Variants in XPNPEP2 observed in about 807,000 individuals in gnomAD.
XPNPEP2 encodes X-prolyl aminopeptidase 2, also known as xaa-Pro aminopeptidase 2.
Under a neutral mutation model 59.8 loss-of-function variants are expected in XPNPEP2, and 64 were observed. The ratio of observed to expected loss-of-function variants is 1.07; its 90% CI spans 0.87 to 1.32. The LOEUF (loss-of-function observed/expected upper bound fraction) is 1.32, where lower values mean the gene tolerates loss of function less well. Ranked by LOEUF, XPNPEP2 falls within the 40% of genes most tolerant of loss-of-function variation. The probability of loss-of-function intolerance (pLI) is 0.00; values close to 1 mark genes in which losing one functional copy is unlikely to be tolerated. For synonymous variants in XPNPEP2, 235 were observed against 210.0 expected (o/e 1.12, Z -1.03); for missense variants, 575 against 546.8 (o/e 1.05, Z -0.51).
rs1372639664 is a variant in XPNPEP2 at position 129,769,343 on chromosome X, A to G, written c.*858A>G. The G allele has an allele frequency of 9.0e-6, 1 of 111,650 alleles. No homozygotes were observed. Among genetic ancestry groups the G allele is most frequent in the Non-Finnish European group, 1.9e-5 (1 of 53,058 alleles). 9.2% of individuals were successfully genotyped at this position (111,650 alleles called of 1,213,427 possible). ...CTAAGGACACACAAATTTGGTTGGG[A>G]GTTGATGGGGCCAGATGAGCCAGCA... is the stretch of plus-strand genomic sequence containing the variant. On this transcript the variant is annotated 3_prime_UTR_variant, in exon 21 of 21. Transcript: ENST00000371106.
chrX:129,752,212 C>G lies in XPNPEP2; in HGVS notation c.884C>G (p.Thr295Arg), dbSNP rs775492531. 1.7e-6 allele frequency: 2 copies of G among 1,210,287 alleles called. No homozygotes were observed. Among genetic ancestry groups the G allele is most frequent in the Non-Finnish European group, 1.1e-6 (1 of 895,296 alleles). Residue 295 changes from threonine (T) to arginine (R), a missense_variant, in exon 10 of 21, where the codon ACA (threonine) becomes AGA (arginine). By Grantham distance (71) the Thr-to-Arg change is moderately conservative. Coordinates refer to ENST00000371106, the MANE Select transcript of XPNPEP2 (RefSeq NM_003399.6). ...ETLSYLNSSC[T>R]GPMCVQIEDY... ...TTGAGCTATCTGAACTCCAGTTGCACAGGCCCCATGTGTGTGCAAATCGAG... is the reference window on the plus strand; with the variant it reads ...TTGAGCTATCTGAACTCCAGTTGCAGAGGCCCCATGTGTGTGCAAATCGAG...
chrX:129,766,175 A>G (rs1455008222), intron 19 of XPNPEP2, among the ~76,000 whole-genome samples: 4 of 112,184 alleles, frequency 3.6e-5, no homozygotes, highest in Non-Finnish European at 5.6e-5. Flanking sequence ...TTCCATAAAC[A>G]TTGTTTCCAT....
rs904248208 is a variant in XPNPEP2, at chrX:129,745,382, A to G, written c.298+116A>G. ...GACCCCAGAACCTACTGTAGAGAAA[A>G]CCCTTCTACTCTCTCTGTCTCCCTC... On this transcript the variant is annotated intron_variant, in intron 4 of 20. Transcript: ENST00000371106. 15 of 823,738 alleles carry G rather than the reference A, an allele frequency of 1.8e-5. No individual in the cohort carries two copies. In the East Asian group the frequency reaches 5.1e-4, roughly 28 times the overall value. The allele number at this position is 823,738 out of a possible 1,213,427, so 67.9% of individuals were successfully genotyped here.
chrX:129,752,559 G>A (rs933344901), intron 10 of XPNPEP2, among the ~76,000 whole-genome samples: 10 of 112,171 alleles, frequency 8.9e-5, no homozygotes, highest in African/African-American at 2.9e-4. Context: ...CAGGAGGCTG[G>A]AGAGTATACG....
chrX:129,761,095 T>C (rs1361881725), intron 16 of XPNPEP2, 77 bp from the exon 17 acceptor site: 1 of 1,004,049 alleles, frequency 1.0e-6, no homozygotes, highest in African/African-American at 1.9e-5. Context: ...ACCACTCTGA[T>C]AGTGAAGCAA....
intron 17 of XPNPEP2, among the ~76,000 whole-genome samples, chrX:129,761,576 C>T (rs1250314905): frequency 8.9e-6 from 1 of 112,131 alleles, no homozygotes; most frequent in African/African-American, 3.2e-5. Context: ...AGTCCCACTG[C>T]TTTGGGAGGC....
At chrX:129,756,338 C>T in intron 13 of XPNPEP2, 146 bp from the exon 14 acceptor site, 1 of 535,526 alleles carries the variant, frequency 1.9e-6, no homozygotes, top group Admixed American at 2.9e-5. Flanking sequence ...AAGCTGAGTT[C>T]TCTTCCAGGG....
In XPNPEP2 at chrX:129,742,189, C is replaced by T. The variant is rs1926200322; in HGVS notation, c.123+8C>T. ...TGTTCCACCAACCCCCCTGTGAGTG[C>T]CCCCTGCCCCCCGCGCACGGCCCCC... On this transcript the variant is annotated splice_region_variant and intron_variant, in intron 2 of 20. Coordinates refer to ENST00000371106, the MANE Select transcript of XPNPEP2 (RefSeq NM_003399.6). 4.6e-6 allele frequency: 4 copies of T among 861,266 alleles called. No individual in the cohort carries two copies. Among genetic ancestry groups the T allele is most frequent in the South Asian group, 2.1e-5 (1 of 46,615 alleles). The allele number at this position is 861,266 out of a possible 1,213,427, so 71.0% of individuals were successfully genotyped here. A position where few individuals can be genotyped will look rare whatever the true frequency, so the allele number is the denominator to read the frequency against.
At chrX:129,767,303 G>A (rs771430689) in intron 19 of XPNPEP2, among the ~76,000 whole-genome samples, 1 of 112,594 alleles carries the variant, frequency 8.9e-6, no homozygotes, top group African/African-American at 3.2e-5. Context: ...GTGGGCCCTG[G>A]AATCTGCATA....
intron 14 of XPNPEP2, among the ~76,000 whole-genome samples, chrX:129,757,310 C>T (rs1926544211): frequency 9.2e-6 from 1 of 109,234 alleles, no homozygotes; most frequent in African/African-American, 3.3e-5. Flanking sequence ...CCTGGCCACA[C>T]AAACACATAT....
chrX:129,755,411 C>A, intron 13 of XPNPEP2, 40 bp downstream of exon 13: 1 of 1,152,759 alleles, frequency 8.7e-7, no homozygotes, highest in South Asian at 1.8e-5. Flanking sequence ...CCTGTTGGGG[C>A]ATCCTGTTGT....
chrX:129,762,308 C>T (rs751511158), intron 18 of XPNPEP2, among the ~76,000 whole-genome samples: 25 of 111,794 alleles, frequency 2.2e-4, no homozygotes, highest in Non-Finnish European at 4.1e-4. Context: ...TATATTCAGA[C>T]GAGATCAGGT....
chrX:129,765,202 G>A (rs1926727079), intron 19 of XPNPEP2, among the ~76,000 whole-genome samples: 1 of 111,669 alleles, frequency 9.0e-6, no homozygotes. Flanking sequence ...AGCGCAGGGA[G>A]ATCTACCTCA....
chrX:129,763,235 T>C (rs1481812850), intron 19 of XPNPEP2, among the ~76,000 whole-genome samples: 1 of 112,888 alleles, frequency 8.9e-6, no homozygotes, highest in Non-Finnish European at 1.9e-5. Context: ...TATGAAGATA[T>C]CATTACTCTC....
At chrX:129,740,512 A>G (rs1777597698) in intron 1 of XPNPEP2, among the ~76,000 whole-genome samples, 1 of 110,316 alleles carries the variant, frequency 9.1e-6, no homozygotes, top group Non-Finnish European at 1.9e-5. Context: ...TTGTAATCCC[A>G]GTTCCTCAGG....
chrX:129,745,376 G>C, intron 4 of XPNPEP2, 110 bp downstream of exon 4: 2 of 893,550 alleles, frequency 2.2e-6, no homozygotes, highest in Admixed American at 2.5e-5. Flanking sequence ...ACCTACTGTA[G>C]AGAAAACCCT....
intron 7 of XPNPEP2, among the ~76,000 whole-genome samples, chrX:129,748,156 C>A (rs1477964600): frequency 8.9e-6 from 1 of 111,919 alleles, no homozygotes; most frequent in Non-Finnish European, 1.9e-5. Context: ...TTACTTCTGA[C>A]CCTCTTGTGA....
rs145863043 is a variant in XPNPEP2 at position 129,756,487 on chromosome X, G to T, written c.1299G>T (p.Pro433=). The change falls in exon 14 of 21, where the codon CCG becomes CCT. Residue 433 remains proline (P), a synonymous_variant. Transcript: ENST00000371106. The part of the protein sequence containing the change: ...GLNAALAHYS[P]TKELNRKLSS... The stretch of plus-strand genomic sequence containing the variant: ...CAACATTCTCTCCCCTTCTCAGCCC[G>T]ACCAAGGAGCTGAACCGCAAGCTGT... 4 of 1,209,210 alleles carry T rather than the reference G, an allele frequency of 3.3e-6. No individual in the cohort carries two copies. Among genetic ancestry groups the T allele is most frequent in the African/African-American group, 1.8e-5 (1 of 56,978 alleles).
chrX:129,744,908 G>A (rs748564633), intron 3 of XPNPEP2, among the ~76,000 whole-genome samples: 1 of 112,236 alleles, frequency 8.9e-6, no homozygotes, highest in African/African-American at 3.2e-5. Context: ...AATTTGCAGG[G>A]CAGGGCAACA....
Sources: allele counts gnomAD v4.1 joint callset (sites outside exome capture counted in the v4.1 genomes callset), GRCh38; gene constraint gnomAD v4.1.1; transcripts MANE v1.5; gene names NCBI Gene and HGNC (gene_info 2026-07-23, HGNC 2026-07-21).